TNFSF13B: variants seen among roughly 807,000 people sequenced by gnomAD.
TNFSF13B encodes tumor necrosis factor ligand superfamily member 13B.
A neutral mutation model predicts 29.1 loss-of-function variants in TNFSF13B; 8 were observed. That is an observed-to-expected ratio of 0.27 (90% CI 0.16 to 0.50). The LOEUF is 0.50. TNFSF13B is among the 20% of genes least tolerant of loss of function. The pLI, the probability that TNFSF13B is intolerant of heterozygous loss-of-function variation, is 0.98. For missense variants in TNFSF13B, 248 were observed against 334.9 expected, an observed-to-expected ratio of 0.74 and a Z score of 2.03; for synonymous variants, 125 against 130.8, an observed-to-expected ratio of 0.96 and a Z score of 0.30.
chr13:108,300,159 C>G (rs3783117), intron 3 of TNFSF13B, among the ~76,000 whole-genome samples: 5,024 of 152,006 alleles, frequency 0.033, 347 homozygotes, highest in East Asian at 0.33. Context: ...CATTTCATTA[C>G]CAAGAATTTC....
In TNFSF13B at chr13:108,308,471, G is replaced by T. The variant is rs1881839422; in HGVS notation, c.*1533G>T. The T allele has an allele frequency of 1.3e-5, 2 of 152,044 alleles. No individual in the cohort carries two copies. Among genetic ancestry groups the T allele is most frequent in the Admixed American group, 1.3e-4 (2 of 15,236 alleles). The allele number at this position is 152,044 out of a possible 1,614,324, so 9.4% of individuals were successfully genotyped here. A position where few individuals can be genotyped will look rare whatever the true frequency, so the allele number is the denominator to read the frequency against. ...GGATTAACAAATAAAAACATTCATTGCCTTTTGCCTCATTGTCTGACTGAG... is the reference window on the plus strand; with the variant it reads ...GGATTAACAAATAAAAACATTCATTTCCTTTTGCCTCATTGTCTGACTGAG... On this transcript the variant is annotated 3_prime_UTR_variant, in exon 6 of 6. Transcript: ENST00000375887.
intron 3 of TNFSF13B, among the ~76,000 whole-genome samples, chr13:108,289,333 A>C (rs767914331): frequency 1.3e-4 from 19 of 151,950 alleles, no homozygotes; most frequent in Non-Finnish European, 2.8e-4. Flanking sequence ...CAGTGCTCCA[A>C]CCTTTAGGAT....
intron 5 of TNFSF13B, 90 bp from the exon 6 acceptor site, chr13:108,306,736 T>TC: frequency 2.6e-6 from 2 of 781,764 alleles, no homozygotes; most frequent in Admixed American, 2.8e-5. Context: ...GTTAACATTT[T>TC]TTTTTTACAG....
chr13:108,271,866 G>C (rs1880629783), intron 2 of TNFSF13B, among the ~76,000 whole-genome samples: 1 of 151,550 alleles, frequency 6.6e-6, no homozygotes, highest in African/African-American at 2.4e-5. Context: ...CATTCTCTTT[G>C]CTATAATACA....
At chr13:108,301,335 A>G (rs1881616976) in intron 3 of TNFSF13B, 1 of 152,198 alleles carries the variant, frequency 6.6e-6, no homozygotes, top group South Asian at 2.1e-4. Flanking sequence ...CATAGAAGAG[A>G]TAACTGTACT....
In TNFSF13B at chr13:108,307,016, CAAAAAAAAAAAAAAA is replaced by C. The variant is rs58093140; in HGVS notation, c.*95_*109del. On this transcript the variant is annotated 3_prime_UTR_variant, in exon 6 of 6. Coordinates refer to ENST00000375887, the MANE Select transcript of TNFSF13B (RefSeq NM_006573.5). ...GAAGAAAGAATCTAACTGAAAATAC[CAAAAAAAAAAAAAAA>C]AAAAAAAAAAAAAAAAGTAGTTACC... is the stretch of plus-strand genomic sequence containing the variant. The C allele has an allele frequency of 5.1e-3, 390 of 76,502 alleles. 3 individuals carry two copies. Among genetic ancestry groups the C allele is most frequent in the East Asian group, 0.017 (78 of 4,546 alleles). The allele number at this position is 76,502 out of a possible 1,614,324, so 4.7% of individuals were successfully genotyped here.
chr13:108,279,276 A>G (rs886269150), intron 2 of TNFSF13B, among the ~76,000 whole-genome samples: 4 of 152,206 alleles, frequency 2.6e-5, no homozygotes, highest in African/African-American at 9.6e-5. Context: ...GTGATTCACA[A>G]TCTAGGGAGA....
chr13:108,299,619 A>G (rs376664424), intron 3 of TNFSF13B, among the ~76,000 whole-genome samples: 4 of 152,106 alleles, frequency 2.6e-5, no homozygotes, highest in African/African-American at 4.8e-5. Flanking sequence ...TTCGTTAAAC[A>G]TTAAAAGTCA....
In TNFSF13B at chr13:108,269,863, A is replaced by G; in HGVS notation, c.-33A>G. 2 of 1,548,418 alleles carry G rather than the reference A, an allele frequency of 1.3e-6. No homozygotes were observed. Among genetic ancestry groups the G allele is most frequent in the Non-Finnish European group, 1.7e-6 (2 of 1,147,276 alleles). On this transcript the variant is annotated 5_prime_UTR_variant, in exon 1 of 6. Coordinates refer to ENST00000375887, the MANE Select transcript of TNFSF13B (RefSeq NM_006573.5). Reference sequence around the variant, plus strand: ...TCCATTCCCTGTGGTCACTTATTCTAAAGGCCCCAACCTTCAAAGTTCAAG... The same window carrying G: ...TCCATTCCCTGTGGTCACTTATTCTGAAGGCCCCAACCTTCAAAGTTCAAG...
At chr13:108,292,718 TC>T (rs755464571) in intron 3 of TNFSF13B, among the ~76,000 whole-genome samples, 19 of 152,256 alleles carry the variant, frequency 1.2e-4, no homozygotes, top group Middle Eastern at 3.4e-3. Flanking sequence ...TTTGGTGTCT[TC>T]TTTGGAAAAA....
At chr13:108,294,859 G>A (rs543181505) in intron 3 of TNFSF13B, among the ~76,000 whole-genome samples, 2 of 145,356 alleles carry the variant, frequency 1.4e-5, no homozygotes, top group Admixed American at 1.4e-4. Context: ...TTTGAGGGAA[G>A]ACTTGGATTA....
intron 3 of TNFSF13B, among the ~76,000 whole-genome samples, chr13:108,298,928 ACC>A (rs781661097): frequency 2.7e-5 from 4 of 145,580 alleles, no homozygotes; most frequent in Non-Finnish European, 4.6e-5. Context: ...CCAAGATGGC[ACC>A]CCTGTCTCCA....
intron 3 of TNFSF13B, 40 bp from the exon 4 acceptor site, chr13:108,303,213 T>C (rs1400890313): frequency 7.0e-7 from 1 of 1,432,654 alleles, no homozygotes; most frequent in Admixed American, 2.0e-5. Flanking sequence ...AAACTGCTTT[T>C]CTTGGTTTCT....
At chr13:108,305,760 C>T (rs1289715399) in intron 5 of TNFSF13B, among the ~76,000 whole-genome samples, 3 of 152,090 alleles carry the variant, frequency 2.0e-5, no homozygotes, top group Non-Finnish European at 4.4e-5. Flanking sequence ...ATTCTGTCAT[C>T]CTTGATCACT....
At chr13:108,274,761 T>C (rs1399415187) in intron 2 of TNFSF13B, among the ~76,000 whole-genome samples, 1 of 152,190 alleles carries the variant, frequency 6.6e-6, no homozygotes, top group Admixed American at 6.5e-5. Flanking sequence ...CTCAAAACCT[T>C]AAGTTGTCCT....
Position 108,269,861 on chromosome 13 carries a change from C to T in TNFSF13B, c.-35C>T, listed in dbSNP as rs377479415. 3 of 1,546,518 alleles carry T rather than the reference C, an allele frequency of 1.9e-6. No individual in the cohort carries two copies. Among genetic ancestry groups the T allele is most frequent in the Middle Eastern group, 1.8e-4 (1 of 5,704 alleles). On this transcript the variant is annotated 5_prime_UTR_variant, in exon 1 of 6. Transcript: ENST00000375887. ...GATCCATTCCCTGTGGTCACTTATT[C>T]TAAAGGCCCCAACCTTCAAAGTTCA...
chr13:108,304,377 G>A (rs1391523942), intron 5 of TNFSF13B, among the ~76,000 whole-genome samples: 2 of 152,182 alleles, frequency 1.3e-5, no homozygotes, highest in African/African-American at 4.8e-5. Context: ...GACATCTTGT[G>A]TCAGTGGACA....
chr13:108,269,696 G>T, upstream of TNFSF13B: 2 of 504,846 alleles, frequency 4.0e-6, no homozygotes, highest in Non-Finnish European at 7.0e-6. Flanking sequence ...GAGGGTAAAT[G>T]CCAGCAAACC....
intron 5 of TNFSF13B, among the ~76,000 whole-genome samples, chr13:108,305,413 T>C (rs1881743677): frequency 6.6e-6 from 1 of 152,176 alleles, no homozygotes; most frequent in Non-Finnish European, 1.5e-5. Flanking sequence ...ATTGCTGTAA[T>C]CTGGAAGAAT....
Sources: allele counts gnomAD v4.1 joint callset (sites outside exome capture counted in the v4.1 genomes callset), GRCh38; gene constraint gnomAD v4.1.1; transcripts MANE v1.5; gene names NCBI Gene and HGNC (gene_info 2026-07-23, HGNC 2026-07-21).